Variants in RAB3GAP2 observed in about 807,000 individuals in gnomAD.
RAB3GAP2 encodes RAB3 GTPase activating non-catalytic protein subunit 2.
A neutral mutation model predicts 185.3 loss-of-function variants in RAB3GAP2; 87 were observed. The ratio of observed to expected loss-of-function variants is 0.47; its 90% CI spans 0.39 to 0.56. RAB3GAP2 has a LOEUF of 0.56. RAB3GAP2 is among the 20% of genes least tolerant of loss of function. The pLI is 0.00. For missense variants in RAB3GAP2, 1,492 were observed against 1,638.2 expected (o/e 0.91, Z 1.54); for synonymous variants, 554 against 576.1 (o/e 0.96, Z 0.55).
chr1:220,214,975 T>TATATATATATATAC (rs1360144410), intron 2 of RAB3GAP2, among the ~76,000 whole-genome samples: 4 of 144,818 alleles, frequency 2.8e-5, no homozygotes, highest in African/African-American at 1.0e-4. Flanking sequence ...TATATATATA[T>TATATATATATATAC]ACTTCTATAC....
At chr1:220,192,027 C>T (rs1658633958) in intron 13 of RAB3GAP2, among the ~76,000 whole-genome samples, 1 of 152,088 alleles carries the variant, frequency 6.6e-6, no homozygotes, top group South Asian at 2.1e-4. Context: ...GCAATTGATC[C>T]TTCTTTCCAA....
Position 220,210,639 on chromosome 1 carries a change from T to C in RAB3GAP2, c.511-150A>G. Reference sequence around the variant, plus strand: ...AATACAGCTCCTCTTCTCTGTATCTTCTACCAGAACTTGCCACGGCCTATC... The same window carrying C: ...AATACAGCTCCTCTTCTCTGTATCTCCTACCAGAACTTGCCACGGCCTATC... On this transcript the variant is annotated intron_variant, in intron 6 of 34. Coordinates refer to ENST00000358951, the MANE Select transcript of RAB3GAP2 (RefSeq NM_012414.4). The C allele has an allele frequency of 4.1e-6, 4 of 981,000 alleles. No homozygotes were observed. In the East Asian group the frequency reaches 1.0e-4, roughly 25 times the overall value. 60.8% of individuals were successfully genotyped at this position (981,000 alleles called of 1,614,324 possible).
At chr1:220,236,428 G>A (rs1032813692) in intron 1 of RAB3GAP2, among the ~76,000 whole-genome samples, 5 of 151,970 alleles carry the variant, frequency 3.3e-5, no homozygotes, top group Non-Finnish European at 5.9e-5. Flanking sequence ...CGCCCACCTC[G>A]GCCTCCCAAA....
chr1:220,253,216 C>T (rs868797132), intron 1 of RAB3GAP2, among the ~76,000 whole-genome samples: 1 of 152,212 alleles, frequency 6.6e-6, no homozygotes, highest in Non-Finnish European at 1.5e-5. Context: ...GACCTCCCAA[C>T]AGGGGTCTCC....
intron 33 of RAB3GAP2, 35 bp from the exon 34 acceptor site, chr1:220,151,799 G>A (rs1187608400): frequency 6.4e-7 from 1 of 1,559,408 alleles, no homozygotes; most frequent in Non-Finnish European, 8.8e-7. Context: ...AATACAGTCA[G>A]AGTGAGCAGA....
At chr1:220,167,814 A>G (rs1658099517) in intron 24 of RAB3GAP2, 139 bp from the exon 25 acceptor site, 4 of 923,152 alleles carry the variant, frequency 4.3e-6, no homozygotes, top group Non-Finnish European at 5.2e-6. Flanking sequence ...AAAAGCCATG[A>G]GATTTACAGC....
chr1:220,210,674 A>G, intron 6 of RAB3GAP2, 127 bp downstream of exon 6: 3 of 1,109,386 alleles, frequency 2.7e-6, no homozygotes, highest in Non-Finnish European at 4.0e-6. Flanking sequence ...CCCGGCCTCT[A>G]CCCCCATAAA....
rs142040334 is a variant in RAB3GAP2 at position 220,191,283 on chromosome 1, C to T, written c.1272G>A (p.Gly424=). 7 of 1,600,478 alleles carry T rather than the reference C, an allele frequency of 4.4e-6. No homozygotes were observed. The African/African-American group carries it at 8.4e-5, about 19-fold the overall frequency. Reference sequence around the variant, plus strand: ...TCCATCCAATTTGTGCGTCGCGGTACCCTTAGAGACAGAGGTAAAGGGAAG... The same window carrying T: ...TCCATCCAATTTGTGCGTCGCGGTATCCTTAGAGACAGAGGTAAAGGGAAG... The part of the protein sequence containing the change: ...ARGIAIRMWK[G]YRDAQIGWIQ... Residue 424 remains glycine (G), a splice_region_variant and synonymous_variant, in exon 14 of 35, where the codon GGG becomes GGA. Coordinates refer to ENST00000358951, the MANE Select transcript of RAB3GAP2 (RefSeq NM_012414.4).
intron 2 of RAB3GAP2, among the ~76,000 whole-genome samples, chr1:220,227,842 C>T (rs75077610): frequency 0.025 from 3,754 of 152,198 alleles, 161 homozygotes; most frequent in African/African-American, 0.086. Flanking sequence ...ACATCCGCCT[C>T]CCGGGTTCAA....
chr1:220,170,605 T>C (rs1217471647), intron 24 of RAB3GAP2, among the ~76,000 whole-genome samples: 2 of 152,184 alleles, frequency 1.3e-5, no homozygotes, highest in African/African-American at 2.4e-5. Context: ...TCTGGTCTCA[T>C]ATAGACATGT....
chr1:220,199,989 T>G (rs998432974), intron 9 of RAB3GAP2, among the ~76,000 whole-genome samples: 1 of 152,164 alleles, frequency 6.6e-6, no homozygotes, highest in Admixed American at 6.5e-5. Flanking sequence ...CTACTTAGAA[T>G]CCATCAGTGA....
At chr1:220,188,706 C>T (rs1467774701) in intron 17 of RAB3GAP2, among the ~76,000 whole-genome samples, 1 of 152,140 alleles carries the variant, frequency 6.6e-6, no homozygotes, top group Non-Finnish European at 1.5e-5. Flanking sequence ...GCCAGAGAGA[C>T]TCTTGCATAT....
chr1:220,230,822 C>T (rs1038002117), intron 2 of RAB3GAP2, among the ~76,000 whole-genome samples: 1 of 152,268 alleles, frequency 6.6e-6, no homozygotes, highest in African/African-American at 2.4e-5. Context: ...TTATCTATTT[C>T]ACACCACACC....
intron 1 of RAB3GAP2, among the ~76,000 whole-genome samples, chr1:220,237,122 A>G (rs536061215): frequency 1.3e-5 from 2 of 152,208 alleles, no homozygotes; most frequent in Non-Finnish European, 2.9e-5. Context: ...AGGCAAATCA[A>G]TTTAACAAAA....
chr1:220,225,602 A>C (rs1365653673), intron 2 of RAB3GAP2, among the ~76,000 whole-genome samples: 1 of 152,204 alleles, frequency 6.6e-6, no homozygotes, highest in Admixed American at 6.5e-5. Flanking sequence ...TGAGGAGGCA[A>C]AAATCACCCA....
intron 2 of RAB3GAP2, among the ~76,000 whole-genome samples, chr1:220,227,436 T>C (rs1376785282): frequency 6.6e-6 from 1 of 152,158 alleles, no homozygotes; most frequent in Non-Finnish European, 1.5e-5. Flanking sequence ...TTTTCTGCCA[T>C]AAAAATAAGA....
chr1:220,266,347 C>T (rs764643294), intron 1 of RAB3GAP2: 17 of 380,664 alleles, frequency 4.5e-5, no homozygotes, highest in Admixed American at 7.6e-5. Context: ...GCTCCTTAAC[C>T]GATCGAGTCA....
rs989966069 is a variant in RAB3GAP2, at chr1:220,171,101, C to T, written c.2597G>A (p.Gly866Asp). 1.2e-6 allele frequency: 2 copies of T among 1,613,954 alleles called. No homozygotes were observed. Among genetic ancestry groups the T allele is most frequent in the Admixed American group, 1.7e-5 (1 of 59,994 alleles). ...ATCAGTGAGGGCCTCTGAATCAGCA[C>T]CCAAAACTGTTTGGGAAAACTAATA... ...TEKKFSQTVL[G>D]ADSEALTDSW... Residue 866 changes from glycine to aspartate, a missense_variant, in exon 24 of 35, where the codon GGT becomes GAT. Gly to Asp is a moderately conservative substitution (Grantham distance 94, BLOSUM62 -1). Around this residue, in one of 5 missense-constraint regions of RAB3GAP2, gnomAD observed 681 missense variants for 689.1 expected, o/e 0.99. Coordinates refer to ENST00000358951, the MANE Select transcript of RAB3GAP2 (RefSeq NM_012414.4).
chr1:220,205,761 C>T, intron 8 of RAB3GAP2, 146 bp downstream of exon 8: 1 of 652,002 alleles, frequency 1.5e-6, no homozygotes. Context: ...CAACATGCTC[C>T]CCTTTCTCTA....
Sources: gnomAD v4.1 joint callset for allele counts (sites outside exome capture counted in the v4.1 genomes callset) on GRCh38, gnomAD v4.1.1 for gene constraint, gnomAD v4.1.1 regional missense constraint, MANE v1.5 for transcripts, NCBI Gene and HGNC (gene_info 2026-07-23, HGNC 2026-07-21) for gene names.